The following PMPCB variants were observed in gnomAD, a reference collection of about 807,000 sequenced individuals.
PMPCB encodes peptidase, mitochondrial processing subunit beta.
Under a neutral mutation model 61.5 loss-of-function variants are expected in PMPCB, and 46 were observed. The ratio of observed to expected loss-of-function variants is 0.75; its 90% confidence interval spans 0.59 to 0.96. PMPCB has a LOEUF of 0.96. Ranked by LOEUF, PMPCB falls within the 40% of genes least tolerant of loss-of-function variation. The pLI is 0.00. For synonymous variants in PMPCB, 191 were observed against 201.6 expected, an observed-to-expected ratio of 0.95 and a Z score of 0.44; for missense variants, 590 against 602.4, an observed-to-expected ratio of 0.98 and a Z score of 0.22.
chr7:103,344,796 T>G, the PMPCB span: 1 of 650,670 alleles, frequency 1.5e-6, no homozygotes, highest in Non-Finnish European at 2.7e-6. Context: ...TCTTTCGTGG[T>G]GTGGAGGCCA....
rs1817868849 is a variant in PMPCB at position 103,313,396 on chromosome 7, A to G, written c.*1125A>G. The G allele has an allele frequency of 1.0e-6, 1 of 984,306 alleles. No homozygotes were observed. Among genetic ancestry groups the G allele is most frequent in the Non-Finnish European group, 1.2e-6 (1 of 829,010 alleles). 61.0% of individuals were successfully genotyped at this position (984,306 alleles called of 1,614,324 possible). A position where few individuals can be genotyped will look rare whatever the true frequency, so the allele number is the denominator to read the frequency against. The stretch of plus-strand genomic sequence containing the variant: ...ATGTAATACACTCACCAGACTGGTA[A>G]AAAGCCATATTTAAATTTATAGTAC... On this transcript the variant is annotated 3_prime_UTR_variant, in exon 13 of 13. Coordinates refer to ENST00000249269, the MANE Select transcript of PMPCB (RefSeq NM_004279.3).
rs1817929068 is a variant in PMPCB, at chr7:103,314,409, C to T, written c.*2138C>T. The T allele has an allele frequency of 1.0e-6, 1 of 985,298 alleles. No individual in the cohort carries two copies. Among genetic ancestry groups the T allele is most frequent in the South Asian group, 4.7e-5 (1 of 21,286 alleles). The allele number at this position is 985,298 out of a possible 1,614,324, so 61.0% of individuals were successfully genotyped here. ...ATTTCCATAAAAGAGGCAAAGGAGT[C>T]ATACCCACATAGCACTACTGCCAGT... is the stretch of plus-strand genomic sequence containing the variant. On this transcript the variant is annotated 3_prime_UTR_variant, in exon 13 of 13. Coordinates refer to ENST00000249269, the MANE Select transcript of PMPCB (RefSeq NM_004279.3).
chr7:103,303,548 G>A (rs1441087357), intron 4 of PMPCB, among the ~76,000 whole-genome samples: 1 of 152,130 alleles, frequency 6.6e-6, no homozygotes, highest in African/African-American at 2.4e-5. Flanking sequence ...TTTTCATATA[G>A]AACAATCTAT....
chr7:103,297,889 C>A, intron 1 of PMPCB: 1 of 1,375,598 alleles, frequency 7.3e-7, no homozygotes, highest in Non-Finnish European at 9.5e-7. Context: ...CTCCAGAGTT[C>A]TATTTTTGCC....
intron 9 of PMPCB, 177 bp from the exon 10 acceptor site, chr7:103,311,466 G>A (rs1817749395): frequency 5.0e-6 from 3 of 598,248 alleles, no homozygotes; most frequent in Admixed American, 6.2e-5. Flanking sequence ...GCATGTTTAT[G>A]TATCATTTTT....
At chr7:103,319,012 G>A (rs181920385), downstream of PMPCB, among the ~76,000 whole-genome samples, 1 of 152,206 alleles carries the variant, frequency 6.6e-6, no homozygotes, top group East Asian at 1.9e-4. Context: ...AGGAGTTTGA[G>A]ACCAGCCTGG....
chr7:103,324,706 G>A (rs1488047325), intron 12 of PMPCB: 1 of 838,002 alleles, frequency 1.2e-6, no homozygotes. Context: ...CGAAGATGGA[G>A]CTGGAAGGTC....
In PMPCB at chr7:103,312,128, G is replaced by C; in HGVS notation, c.1402G>C (p.Val468Leu). The change falls in exon 12 of 13, where the codon GTT becomes CTT. Residue 468 changes from valine to leucine, a missense_variant. Val to Leu is a conservative substitution (Grantham distance 32). Transcript: ENST00000249269. The stretch of plus-strand genomic sequence containing the variant: ...TAATAGGAGTCCAGCTATTGCTGCT[G>C]TTGGTAAGCCTGGCTTCTTTTCTTC... ...IYNRSPAIAA[V>L]GPIKQLPDFK... The C allele has an allele frequency of 6.2e-7, 1 of 1,614,058 alleles. No homozygotes were observed. Among genetic ancestry groups the C allele is most frequent in the African/African-American group, 1.3e-5 (1 of 75,056 alleles).
chr7:103,323,672 G>A, intron 12 of PMPCB: 1 of 1,397,446 alleles, frequency 7.2e-7, no homozygotes, highest in Non-Finnish European at 9.7e-7. Flanking sequence ...ACCTAATATA[G>A]ACAGAAATAA....
chr7:103,321,032 T>C (rs1242767366), intron 12 of PMPCB, among the ~76,000 whole-genome samples: 1 of 148,286 alleles, frequency 6.7e-6, no homozygotes, highest in African/African-American at 2.5e-5. Context: ...ACCCCGTCTC[T>C]ACTAAAAATA....
At chr7:103,318,570 G>A (rs1027652014), downstream of PMPCB, among the ~76,000 whole-genome samples, 4 of 152,052 alleles carry the variant, frequency 2.6e-5, no homozygotes, top group Non-Finnish European at 5.9e-5. Flanking sequence ...GTTCTTCTCA[G>A]GTTCTTCTCA....
chr7:103,305,337 A>G (rs1817548308), intron 6 of PMPCB, among the ~76,000 whole-genome samples: 1 of 152,226 alleles, frequency 6.6e-6, no homozygotes, highest in African/African-American at 2.4e-5. Context: ...AAAATTGACA[A>G]CAGATATTGC....
chr7:103,328,491 C>T (rs1009739271), intron 12 of PMPCB, among the ~76,000 whole-genome samples: 4 of 151,824 alleles, frequency 2.6e-5, no homozygotes, highest in African/African-American at 7.3e-5. Flanking sequence ...ACTAGCTGGG[C>T]GTGGTGGTGC....
chr7:103,297,641 C>A, intron 1 of PMPCB, 83 bp downstream of exon 1: 1 of 1,585,188 alleles, frequency 6.3e-7, no homozygotes, highest in Non-Finnish European at 8.6e-7. Context: ...GCCACAGATC[C>A]GAACAGTGGG....
the PMPCB span, among the ~76,000 whole-genome samples, chr7:103,345,343 A>G: frequency 2.0e-5 from 3 of 152,164 alleles, no homozygotes; most frequent in African/African-American, 4.8e-5. Flanking sequence ...ATTCCCAATT[A>G]TAGGACTCTG....
chr7:103,309,186 G>A (rs10046531), intron 8 of PMPCB, 91 bp downstream of exon 8: 42 of 1,062,716 alleles, frequency 4.0e-5, no homozygotes, highest in African/African-American at 6.5e-5. Context: ...CTTTTTTAAA[G>A]TGGCAGAATA....
At chr7:103,337,555 T>C in the PMPCB span, 3 of 550,290 alleles carry the variant, frequency 5.5e-6, no homozygotes, top group Non-Finnish European at 9.7e-6. Context: ...GTAAAATGGA[T>C]TGCTTTCTTC....
At position 103,312,891 on chromosome 7, in the gene PMPCB, T is replaced by C. The variant is rs1817832440; in HGVS notation, c.*620T>C. ...CTTAATAGACATAAAATATGAGCTATATCACCCAAGCTACAATTTAAAATA... is the reference window on the plus strand; with the variant it reads ...CTTAATAGACATAAAATATGAGCTACATCACCCAAGCTACAATTTAAAATA... On this transcript the variant is annotated 3_prime_UTR_variant, in exon 13 of 13. Transcript: ENST00000249269. 6.4e-7 allele frequency: 1 copy of C among 1,571,686 alleles called. No homozygotes were observed. Among genetic ancestry groups the C allele is most frequent in the Non-Finnish European group, 8.6e-7 (1 of 1,164,478 alleles).
chr7:103,346,069 AT>A, the PMPCB span, among the ~76,000 whole-genome samples: 16 of 151,886 alleles, frequency 1.1e-4, no homozygotes, highest in Non-Finnish European at 1.8e-4. Flanking sequence ...ATATTAATAT[AT>A]TTTTTTCCTC....
Sources: allele counts gnomAD v4.1 joint callset (sites outside exome capture counted in the v4.1 genomes callset), GRCh38; gene constraint gnomAD v4.1.1; transcripts MANE v1.5; gene names NCBI Gene and HGNC (gene_info 2026-07-23, HGNC 2026-07-21).